FBXO11: variants seen among roughly 807,000 people sequenced by gnomAD.
The protein encoded by FBXO11 is F-box only protein 11.
A neutral mutation model predicts 117.0 loss-of-function variants in FBXO11; 13 were observed. The observed-to-expected ratio is 0.11, with a 90% CI of 0.07 to 0.18. The LOEUF (loss-of-function observed/expected upper bound fraction) is 0.18. FBXO11 is among the 10% of genes least tolerant of loss of function. The pLI, the probability that FBXO11 is intolerant of heterozygous loss-of-function variation, is 1.00. For synonymous variants in FBXO11, 490 were observed against 380.5 expected (o/e 1.29, Z -3.35); for missense variants, 767 against 1,164.4 (o/e 0.66, Z 4.97).
intron 1 of FBXO11, among the ~76,000 whole-genome samples, chr2:47,881,901 C>A (rs1010501969): frequency 2.0e-5 from 3 of 152,128 alleles, no homozygotes; most frequent in African/African-American, 7.2e-5. Context: ...GTGTGCACCA[C>A]CATGCCCAGC....
chr2:47,839,755 C>G lies in FBXO11; in HGVS notation c.247G>C (p.Ala83Pro). The G allele has an allele frequency of 6.2e-7, 1 of 1,613,092 alleles. No individual in the cohort carries two copies. The highest frequency in any genetic ancestry group is 8.5e-7 in the Non-Finnish European group (1 of 1,179,756). Residue 83 changes from alanine (A) to proline (P), a missense_variant, in exon 2 of 23, where the codon GCA becomes CCA. Around this residue, in one of 10 missense-constraint regions of FBXO11, gnomAD observed 355 missense variants for 299.8 expected, o/e 1.18. Coordinates refer to ENST00000403359, the MANE Select transcript of FBXO11 (RefSeq NM_001190274.2). ...CCTGATTCTTCTGCAACCATATCTG[C>G]AGGCACATCATCATCTGTTATAAAC... is the stretch of plus-strand genomic sequence containing the variant. ...NVGERDDDVP[A>P]DMVAEESGPG...
chr2:47,809,733 G>C, intron 19 of FBXO11, 26 bp from the exon 20 acceptor site: 1 of 1,460,196 alleles, frequency 6.8e-7, no homozygotes, highest in Non-Finnish European at 9.6e-7. Flanking sequence ...CAAACAAGTA[G>C]ATACATCACT....
At chr2:47,890,494 C>G (rs1677176547) in intron 1 of FBXO11, among the ~76,000 whole-genome samples, 1 of 151,988 alleles carries the variant, frequency 6.6e-6, no homozygotes, top group South Asian at 2.1e-4. Context: ...AGTATGAGTT[C>G]ACGACACAAT....
intron 1 of FBXO11, among the ~76,000 whole-genome samples, chr2:47,897,627 G>A (rs1011632224): frequency 2.0e-5 from 3 of 149,950 alleles, no homozygotes; most frequent in African/African-American, 4.9e-5. Context: ...AACTCAGGAG[G>A]CAGAGGTTGC....
rs780870758 is a variant in FBXO11, at chr2:47,808,203, G to A, written c.2699C>T (p.Thr900Ile). The change falls in exon 23 of 23, where the codon ACA becomes ATA. Residue 900 changes from threonine (T) to isoleucine (I), a missense_variant. By Grantham distance (89) the Thr-to-Ile change is moderately conservative (BLOSUM62 -1). Transcript: ENST00000403359. ...CGAGTLSNPCTLAGEPTHDTD... is the reference protein window; with the variant it reads ...CGAGTLSNPCILAGEPTHDTD... ...ATCATGTGTAGGCTCACCAGCTAAT[G>A]TACAAGGATTAGACAGTGTTCCAGC... 1.2e-6 allele frequency: 2 copies of A among 1,613,376 alleles called. No homozygotes were observed. The highest frequency in any genetic ancestry group is 1.7e-6 in the Non-Finnish European group (2 of 1,179,790).
chr2:47,856,152 C>T (rs1349095792), intron 1 of FBXO11, among the ~76,000 whole-genome samples: 6 of 152,120 alleles, frequency 3.9e-5, no homozygotes. Context: ...AAGCTTTTAA[C>T]TCAGAAAATG....
intron 21 of FBXO11, 72 bp from the exon 22 acceptor site, chr2:47,808,499 A>G (rs950344742): frequency 1.6e-5 from 21 of 1,318,838 alleles, no homozygotes; most frequent in Admixed American, 6.9e-5. Context: ...CTGTTTATAT[A>G]TTACTATGAC....
At chr2:47,832,542 AG>A (rs1448411236) in intron 10 of FBXO11, 29 bp downstream of exon 10, 1 of 1,607,574 alleles carries the variant, frequency 6.2e-7, no homozygotes, top group Non-Finnish European at 8.5e-7. Context: ...TTTTCTAAAA[AG>A]AAAAAAACCA....
intron 1 of FBXO11, among the ~76,000 whole-genome samples, chr2:47,857,705 G>A (rs574653752): frequency 6.6e-6 from 1 of 152,134 alleles, no homozygotes; most frequent in African/African-American, 2.4e-5. Context: ...TAACTCAGGA[G>A]CTTTGTCACG....
chr2:47,866,614 C>A (rs72876855), intron 1 of FBXO11, among the ~76,000 whole-genome samples: 5,144 of 152,006 alleles, frequency 0.034, 274 homozygotes, highest in African/African-American at 0.12. Flanking sequence ...GCTAGGATTA[C>A]AGGCGCGCAC....
intron 1 of FBXO11, among the ~76,000 whole-genome samples, chr2:47,881,267 CAAAG>C (rs1489053882): frequency 6.6e-6 from 1 of 151,920 alleles, no homozygotes; most frequent in Admixed American, 6.6e-5. Flanking sequence ...AAGAAAGAAA[CAAAG>C]AAAGGTATGT....
At position 47,807,555 on chromosome 2, in the gene FBXO11, G is replaced by A. The variant is rs1670307482; in HGVS notation, c.*563C>T. 1 of 214,042 alleles carries A rather than the reference G, an allele frequency of 4.7e-6. No individual in the cohort carries two copies. Among genetic ancestry groups the A allele is most frequent in the African/African-American group, 2.3e-5 (1 of 44,316 alleles). The allele number at this position is 214,042 out of a possible 1,614,324, so 13.3% of individuals were successfully genotyped here. Reference sequence around the variant, plus strand: ...ATGAGTACAGTTACAGCAAGTCTAGGTGTGCTAACAAAACAGGGCACATTC... The same window carrying A: ...ATGAGTACAGTTACAGCAAGTCTAGATGTGCTAACAAAACAGGGCACATTC... On this transcript the variant is annotated 3_prime_UTR_variant, in exon 23 of 23. Transcript: ENST00000403359.
At chr2:47,823,410 A>T in intron 11 of FBXO11, 50 bp from the exon 12 acceptor site, 1 of 1,333,150 alleles carries the variant, frequency 7.5e-7, no homozygotes, top group Non-Finnish European at 1.0e-6. Context: ...TTTACAAAAA[A>T]AGAAATGCCA....
At chr2:47,849,940 G>A (rs76414662) in intron 1 of FBXO11, among the ~76,000 whole-genome samples, 11,181 of 152,170 alleles carry the variant, frequency 0.073, 567 homozygotes, top group Non-Finnish European at 0.11. Flanking sequence ...TCACTGAAGG[G>A]TATTAAAAAG....
At chr2:47,835,398 T>C (rs932359089) in intron 5 of FBXO11, among the ~76,000 whole-genome samples, 1 of 152,274 alleles carries the variant, frequency 6.6e-6, no homozygotes, top group African/African-American at 2.4e-5. Flanking sequence ...CTTAGGCTAC[T>C]AATGCTTACT....
intron 4 of FBXO11, among the ~76,000 whole-genome samples, chr2:47,836,707 A>C (rs1672594506): frequency 6.6e-6 from 1 of 152,190 alleles, no homozygotes. Context: ...TTTCCTTACA[A>C]ACTGTTTACT....
chr2:47,887,308 G>A (rs1050092296), intron 1 of FBXO11, among the ~76,000 whole-genome samples: 11 of 151,280 alleles, frequency 7.3e-5, no homozygotes, highest in South Asian at 4.2e-4. Context: ...TGGGGGGGAG[G>A]GGGGAGACAA....
chr2:47,822,646 A>G (rs1215111225), intron 12 of FBXO11, among the ~76,000 whole-genome samples: 2 of 152,212 alleles, frequency 1.3e-5, no homozygotes, highest in Non-Finnish European at 2.9e-5. Context: ...AATAATTCAT[A>G]GTGTCTGATT....
chr2:47,810,008 G>T, intron 19 of FBXO11: 1 of 483,860 alleles, frequency 2.1e-6, no homozygotes, highest in Non-Finnish European at 3.6e-6. Context: ...GATTTAAACT[G>T]GTAAATTCAT....
Sources: allele counts gnomAD v4.1 joint callset (sites outside exome capture counted in the v4.1 genomes callset), GRCh38; gene constraint gnomAD v4.1.1; regional missense constraint gnomAD v4.1.1; transcripts MANE v1.5; gene names NCBI Gene and HGNC (gene_info 2026-07-23, HGNC 2026-07-21).